The following MYO18B variants were observed in gnomAD, a reference collection of about 807,000 sequenced individuals.
MYO18B encodes the protein unconventional myosin-XVIIIb.
A neutral mutation model predicts 273.0 loss-of-function variants in MYO18B; 204 were observed. The observed-to-expected ratio is 0.75, with a 90% CI of 0.67 to 0.84. The LOEUF is 0.84. Ranked by LOEUF, MYO18B falls within the 40% of genes least tolerant of loss-of-function variation. MYO18B has a pLI of 0.00. For synonymous variants in MYO18B, 1,330 were observed against 1,305.7 expected (o/e 1.02, Z -0.40); for missense variants, 3,212 against 3,287.6 (o/e 0.98, Z 0.56).
chr22:25,919,589 T>C (rs2092311128), intron 33 of MYO18B, among the ~76,000 whole-genome samples: 1 of 152,174 alleles, frequency 6.6e-6, no homozygotes, highest in Non-Finnish European at 1.5e-5. Flanking sequence ...AAGGAGATTG[T>C]CACAGGAGTT....
intron 11 of MYO18B, among the ~76,000 whole-genome samples, chr22:25,794,100 AT>A (rs2087799457): frequency 6.6e-6 from 1 of 151,860 alleles, no homozygotes; most frequent in Non-Finnish European, 1.5e-5. Flanking sequence ...CGCCAGGCTA[AT>A]TTTTTGTATT....
intron 34 of MYO18B, among the ~76,000 whole-genome samples, chr22:25,934,951 G>A (rs770150156): frequency 1.3e-5 from 2 of 152,154 alleles, no homozygotes; most frequent in African/African-American, 2.4e-5. Context: ...TTTGAATTAC[G>A]CTGGTGGTTT....
intron 28 of MYO18B, 39 bp from the exon 29 acceptor site, chr22:25,898,268 G>A (rs766107152): frequency 1.3e-6 from 2 of 1,589,322 alleles, no homozygotes; most frequent in South Asian, 2.3e-5. Context: ...CTCGTTCCAT[G>A]CCCACAGAGC....
At chr22:25,791,102 C>T (rs962123834) in intron 11 of MYO18B, among the ~76,000 whole-genome samples, 3 of 152,200 alleles carry the variant, frequency 2.0e-5, no homozygotes, top group African/African-American at 7.2e-5. Context: ...TCAAGTGACT[C>T]ACTTTTGGGA....
In MYO18B at chr22:25,871,826, T is replaced by C. The variant is rs151185219; in HGVS notation, c.3952-2460T>C. 6.1e-3 allele frequency among the ~76,000 whole-genome samples: 930 copies of C among 152,246 alleles called. 12 individuals are homozygous for C. Among genetic ancestry groups the C allele is most frequent in the African/African-American group, 0.021 (891 of 41,508 alleles). On this transcript the variant is annotated intron_variant, in intron 22 of 43. Transcript: ENST00000335473. Reference sequence around the variant, plus strand: ...AAAAAACAAAAAACCAGAGAGAAATTGAGATAAGATTCTGCAAAGGCTTAT... The same window carrying C: ...AAAAAACAAAAAACCAGAGAGAAATCGAGATAAGATTCTGCAAAGGCTTAT...
intron 7 of MYO18B, among the ~76,000 whole-genome samples, chr22:25,775,003 G>A (rs1301964630): frequency 6.6e-6 from 1 of 152,260 alleles, no homozygotes; most frequent in Non-Finnish European, 1.5e-5. Context: ...AGGCATGTGT[G>A]CATGCATGCA....
intron 39 of MYO18B, among the ~76,000 whole-genome samples, chr22:25,978,908 C>G (rs1468184557): frequency 6.6e-6 from 1 of 152,196 alleles, no homozygotes; most frequent in East Asian, 1.9e-4. Context: ...GATTGCTTCA[C>G]TGCACTCCAG....
chr22:25,952,466 A>C, intron 38 of MYO18B, 43 bp downstream of exon 38: 4 of 1,608,050 alleles, frequency 2.5e-6, no homozygotes, highest in Non-Finnish European at 3.4e-6. Flanking sequence ...AAGAGCAGGG[A>C]GAGCTTTTGT....
At chr22:25,753,678 A>G (rs974852814) in intron 1 of MYO18B, among the ~76,000 whole-genome samples, 2 of 152,204 alleles carry the variant, frequency 1.3e-5, no homozygotes, top group Admixed American at 1.3e-4. Flanking sequence ...CCACGAACCC[A>G]TCAGGAGGAA....
intron 39 of MYO18B, among the ~76,000 whole-genome samples, chr22:25,965,682 C>T (rs184777081): frequency 1.6e-4 from 25 of 152,296 alleles, no homozygotes; most frequent in African/African-American, 5.5e-4. Flanking sequence ...TAGAGCAAAA[C>T]GTTAGCAAAA....
chr22:25,845,038 A>G (rs553629663), intron 18 of MYO18B, among the ~76,000 whole-genome samples: 1 of 152,210 alleles, frequency 6.6e-6, no homozygotes, highest in Admixed American at 6.5e-5. Flanking sequence ...TCCCTCTTTT[A>G]AGCTACATGA....
chr22:25,842,907 G>C (rs993832910), intron 17 of MYO18B, among the ~76,000 whole-genome samples: 2 of 152,240 alleles, frequency 1.3e-5, no homozygotes, highest in South Asian at 4.1e-4. Context: ...TTTGTGATTC[G>C]GGAACATCAG....
At chr22:25,876,385 C>T in intron 24 of MYO18B, 53 bp downstream of exon 24, 1 of 1,539,772 alleles carries the variant, frequency 6.5e-7, no homozygotes. Flanking sequence ...ACACCCTGCT[C>T]CTCCTGTTTG....
rs980198046 is a variant in MYO18B at position 25,985,637 on chromosome 22, AT to A, written c.6157-6716del. Among the ~76,000 whole-genome samples, 790 of 146,676 alleles carry A rather than the reference AT, an allele frequency of 5.4e-3. 5 individuals carry two copies. The highest frequency in any genetic ancestry group is 0.018 in the African/African-American group (714 of 39,696). On this transcript the variant is annotated intron_variant, in intron 39 of 43. Transcript: ENST00000335473. ...AATTCACAGGGCGTTTTTTATTTTTATTTTTTTTTTGAGATGGAGTCTCGCT... is the reference window on the plus strand; with the variant it reads ...AATTCACAGGGCGTTTTTTATTTTTATTTTTTTTTGAGATGGAGTCTCGCT...
At chr22:25,869,546 T>A (rs953468052) in intron 22 of MYO18B, among the ~76,000 whole-genome samples, 7 of 147,050 alleles carry the variant, frequency 4.8e-5, no homozygotes, top group Non-Finnish European at 7.5e-5. Flanking sequence ...GAAAGACTAC[T>A]CCACACATTT....
intron 12 of MYO18B, among the ~76,000 whole-genome samples, chr22:25,817,809 T>C (rs1053997507): frequency 2.6e-5 from 4 of 152,240 alleles, no homozygotes; most frequent in Admixed American, 1.3e-4. Flanking sequence ...CAAATTGATA[T>C]GATACAATAT....
At chr22:25,888,798 T>C (rs2091575584) in intron 25 of MYO18B, among the ~76,000 whole-genome samples, 1 of 152,184 alleles carries the variant, frequency 6.6e-6, no homozygotes. Flanking sequence ...CAAGCCTTCT[T>C]TCTCCTCTGC....
intron 2 of MYO18B, among the ~76,000 whole-genome samples, chr22:25,761,379 AGGTGGTGGT>A: frequency 6.6e-6 from 1 of 151,280 alleles, no homozygotes; most frequent in South Asian, 2.1e-4. Context: ...CCTGTTCCAC[AGGTGGTGGT>A]GGTGGTGGTG....
intron 34 of MYO18B, among the ~76,000 whole-genome samples, chr22:25,925,078 G>C (rs910922016): frequency 6.6e-6 from 1 of 152,114 alleles, no homozygotes; most frequent in Non-Finnish European, 1.5e-5. Context: ...CTTACAACTT[G>C]GTTTGACCAA....
Sources: gnomAD v4.1 joint callset for allele counts (sites outside exome capture counted in the v4.1 genomes callset) on GRCh38, gnomAD v4.1.1 for gene constraint, MANE v1.5 for transcripts, NCBI Gene and HGNC (gene_info 2026-07-23, HGNC 2026-07-21) for gene names.